Variants in CTNNA3 observed in about 807,000 individuals in gnomAD.
CTNNA3 encodes catenin alpha-3.
A neutral mutation model predicts 95.7 loss-of-function variants in CTNNA3; 76 were observed. The ratio of observed to expected loss-of-function variants is 0.79; its 90% CI spans 0.66 to 0.96. CTNNA3 has a LOEUF of 0.96. Among genes scored for constraint, CTNNA3 ranks in the 40% least tolerant of loss-of-function variants. The pLI, the probability that CTNNA3 is intolerant of heterozygous loss-of-function variation, is 0.00. For synonymous variants in CTNNA3, 431 were observed against 374.4 expected (o/e 1.15, Z -1.74); for missense variants, 1,191 against 1,089.8 (o/e 1.09, Z -1.31).
intron 7 of CTNNA3, among the ~76,000 whole-genome samples, chr10:67,036,891 AAT>A (rs1241794480): frequency 2.0e-5 from 3 of 152,324 alleles, no homozygotes; most frequent in Admixed American, 6.5e-5. Context: ...TGTGAAAAAA[AAT>A]AATAATGCAT....
intron 1 of CTNNA3, among the ~76,000 whole-genome samples, chr10:67,744,617 CA>C (rs967992143): frequency 1.5e-4 from 22 of 150,930 alleles, no homozygotes; most frequent in African/African-American, 5.3e-4. Context: ...TCTAAAACAC[CA>C]AAAGCAATGG....
chr10:66,618,083 C>T (rs1844591121), intron 10 of CTNNA3, among the ~76,000 whole-genome samples: 1 of 152,084 alleles, frequency 6.6e-6, no homozygotes. Context: ...AATGGAAGAA[C>T]ATTCCATGCT....
At chr10:66,821,728 G>A (rs1018886230) in intron 7 of CTNNA3, among the ~76,000 whole-genome samples, 5 of 152,130 alleles carry the variant, frequency 3.3e-5, no homozygotes, top group Admixed American at 1.3e-4. Context: ...AGGGTTAATT[G>A]CTTCTTCTTT....
chr10:66,331,965 T>C (rs2092335940), intron 12 of CTNNA3, among the ~76,000 whole-genome samples: 2 of 151,978 alleles, frequency 1.3e-5, no homozygotes, highest in South Asian at 4.1e-4. Flanking sequence ...GTTTGTATCG[T>C]CTTTTATTTG....
chr10:67,164,486 A>G (rs1188778366), intron 7 of CTNNA3, among the ~76,000 whole-genome samples: 12 of 152,108 alleles, frequency 7.9e-5, no homozygotes, highest in Non-Finnish European at 1.6e-4. Context: ...TGTAAAATAT[A>G]AAACGTTTAG....
At chr10:67,483,090 T>G (rs1196683044) in intron 5 of CTNNA3, among the ~76,000 whole-genome samples, 1 of 151,882 alleles carries the variant, frequency 6.6e-6, no homozygotes, top group Middle Eastern at 3.2e-3. Context: ...CCAGTTAGAA[T>G]GGCAATCATT....
chr10:66,105,321 G>A (rs1025394173), intron 13 of CTNNA3, among the ~76,000 whole-genome samples: 1 of 152,120 alleles, frequency 6.6e-6, no homozygotes, highest in Non-Finnish European at 1.5e-5. Context: ...GTATTCTTGA[G>A]AAAGCATCTT....
intron 9 of CTNNA3, among the ~76,000 whole-genome samples, chr10:66,658,169 T>A (rs1017109836): frequency 2.0e-4 from 31 of 152,108 alleles, no homozygotes; most frequent in Admixed American, 5.9e-4. Flanking sequence ...CTGGGAGACC[T>A]GGGCTTGAGT....
chr10:67,230,982 C>T (rs966342846), intron 5 of CTNNA3, among the ~76,000 whole-genome samples: 2 of 152,216 alleles, frequency 1.3e-5, no homozygotes, highest in Non-Finnish European at 2.9e-5. Flanking sequence ...TAAAAAACGG[C>T]GCACCAGGAG....
chr10:66,795,979 T>C (rs1264770600), intron 7 of CTNNA3, among the ~76,000 whole-genome samples: 1 of 152,244 alleles, frequency 6.6e-6, no homozygotes, highest in East Asian at 1.9e-4. Context: ...AGGCTTTAGC[T>C]TATGGGAATG....
intron 11 of CTNNA3, among the ~76,000 whole-genome samples, chr10:66,469,062 G>A (rs1395640471): frequency 1.3e-5 from 2 of 151,868 alleles, no homozygotes; most frequent in African/African-American, 4.8e-5. Context: ...CAAATGCATG[G>A]TGGCATCTAT....
At chr10:66,926,455 G>T (rs1231940513) in intron 7 of CTNNA3, 3 of 1,000,038 alleles carry the variant, frequency 3.0e-6, no homozygotes, top group Non-Finnish European at 4.6e-6. Flanking sequence ...ATCTCCCAAG[G>T]GGTCCAATTT....
At chr10:67,698,120 G>C (rs988277742), upstream of CTNNA3, among the ~76,000 whole-genome samples, 3 of 151,948 alleles carry the variant, frequency 2.0e-5, no homozygotes, top group Non-Finnish European at 4.4e-5. Context: ...GCCCAGTCTT[G>C]TTCAGTATTT....
chr10:67,701,375 C>G (rs189138874), intron 1 of CTNNA3, among the ~76,000 whole-genome samples: 50 of 152,186 alleles, frequency 3.3e-4, no homozygotes, highest in African/African-American at 1.1e-3. Flanking sequence ...CAGCCAGAGA[C>G]AAAGGTCAGG....
At chr10:66,880,447 T>C (rs1844802784) in intron 7 of CTNNA3, among the ~76,000 whole-genome samples, 1 of 152,102 alleles carries the variant, frequency 6.6e-6, no homozygotes, top group Admixed American at 6.6e-5. Flanking sequence ...ACTAGACTTG[T>C]GTATGTTCAG....
At chr10:66,958,085 C>T (rs1332665427) in intron 7 of CTNNA3, among the ~76,000 whole-genome samples, 1 of 152,074 alleles carries the variant, frequency 6.6e-6, no homozygotes, top group Non-Finnish European at 1.5e-5. Context: ...TTCATCCTTG[C>T]TGGCCTTCAG....
chr10:67,691,661 G>A (rs948347240), intron 1 of CTNNA3, among the ~76,000 whole-genome samples: 10 of 148,324 alleles, frequency 6.7e-5, no homozygotes, highest in African/African-American at 1.5e-4. Flanking sequence ...CCCGGCAGCC[G>A]CCCCATCTGA....
At chr10:66,179,522 G>A (rs547555502) in intron 13 of CTNNA3, among the ~76,000 whole-genome samples, 7 of 151,938 alleles carry the variant, frequency 4.6e-5, no homozygotes, top group African/African-American at 1.7e-4. Context: ...TTTATTGTTG[G>A]GTCTCTCCAT....
intron 7 of CTNNA3, among the ~76,000 whole-genome samples, chr10:67,121,140 ATCTGAACTCTCCCAACTGGTC>A (rs1859444512): frequency 6.6e-6 from 1 of 152,076 alleles, no homozygotes; most frequent in South Asian, 2.1e-4. Context: ...ATAATAGTTT[ATCTGAACTCTCCCAACTGGTC>A]AATTCTGTCA....
Sources: gnomAD v4.1 joint callset for allele counts (sites outside exome capture counted in the v4.1 genomes callset) on GRCh38, gnomAD v4.1.1 for gene constraint, MANE v1.5 for transcripts, NCBI Gene and HGNC (gene_info 2026-07-23, HGNC 2026-07-21) for gene names.